ADAMTSL1: variants seen among roughly 807,000 people sequenced by gnomAD.
ADAMTSL1 encodes the protein ADAMTS like 1.
ADAMTSL1 carries 126 observed loss-of-function variants against 201.8 expected under a neutral mutation model. That is an observed-to-expected ratio of 0.62 (90% CI 0.54 to 0.72). The LOEUF (loss-of-function observed/expected upper bound fraction) is 0.72. ADAMTSL1 is among the 30% of genes least tolerant of loss of function. The pLI, the probability that ADAMTSL1 is intolerant of heterozygous loss-of-function variation, is 0.00. For missense variants in ADAMTSL1, 2,679 were observed against 2,277.8 expected (o/e 1.18, Z -3.59); for synonymous variants, 1,121 against 903.4 (o/e 1.24, Z -4.32).
At chr9:18,465,692 A>T (rs1820976211) in intron 2 of ADAMTSL1, among the ~76,000 whole-genome samples, 1 of 152,214 alleles carries the variant, frequency 6.6e-6, no homozygotes, top group African/African-American at 2.4e-5. Flanking sequence ...ACCAAAGCAG[A>T]AAAAGAATAG....
intron 2 of ADAMTSL1, among the ~76,000 whole-genome samples, chr9:18,193,814 G>A (rs547879894): frequency 3.3e-4 from 50 of 151,884 alleles, no homozygotes; most frequent in Admixed American, 7.2e-4. Context: ...AAGACTGACT[G>A]CCCTTTTCTT....
intron 2 of ADAMTSL1, among the ~76,000 whole-genome samples, chr9:18,301,446 T>C (rs1299214249): frequency 2.0e-5 from 3 of 152,160 alleles, no homozygotes; most frequent in Admixed American, 6.5e-5. Flanking sequence ...GCTGAGAGTA[T>C]CAAATCTTTT....
At chr9:18,418,949 T>C (rs1818816867) in intron 2 of ADAMTSL1, among the ~76,000 whole-genome samples, 1 of 152,206 alleles carries the variant, frequency 6.6e-6, no homozygotes, top group African/African-American at 2.4e-5. Context: ...ACTATAAAGC[T>C]TCAGTTGTCA....
chr9:18,730,493 A>G (rs1818151911), intron 15 of ADAMTSL1, among the ~76,000 whole-genome samples: 1 of 152,238 alleles, frequency 6.6e-6, no homozygotes, highest in Non-Finnish European at 1.5e-5. Context: ...GTGCAGAAAG[A>G]TCTGTCACAA....
At chr9:18,170,308 G>A (rs1827832704) in intron 2 of ADAMTSL1, among the ~76,000 whole-genome samples, 1 of 151,970 alleles carries the variant, frequency 6.6e-6, no homozygotes, top group African/African-American at 2.4e-5. Flanking sequence ...GGGGAAGGCT[G>A]GATATGCACC....
At chr9:18,734,272 C>T (rs997494586) in intron 15 of ADAMTSL1, among the ~76,000 whole-genome samples, 1 of 152,078 alleles carries the variant, frequency 6.6e-6, no homozygotes, top group Non-Finnish European at 1.5e-5. Flanking sequence ...AAGAAGCAGT[C>T]CTTGATTGGA....
intron 1 of ADAMTSL1, among the ~76,000 whole-genome samples, chr9:18,076,081 G>T (rs1342191556): frequency 1.3e-5 from 2 of 152,110 alleles, no homozygotes; most frequent in African/African-American, 4.8e-5. Flanking sequence ...GTTCCTGTTT[G>T]GTTTCTCTAA....
At chr9:18,581,098 G>T (rs1351175877) in intron 4 of ADAMTSL1, among the ~76,000 whole-genome samples, 1 of 152,090 alleles carries the variant, frequency 6.6e-6, no homozygotes, top group Non-Finnish European at 1.5e-5. Flanking sequence ...CTTTCTCTGA[G>T]GCTCTGGGTG....
chr9:18,176,044 G>A (rs1328527313), intron 2 of ADAMTSL1, among the ~76,000 whole-genome samples: 5 of 142,778 alleles, frequency 3.5e-5, no homozygotes, highest in Non-Finnish European at 6.0e-5. Context: ...GGCAAACAAA[G>A]GTTTCGTTTG....
chr9:18,273,114 CTG>C (rs575506046), intron 2 of ADAMTSL1, among the ~76,000 whole-genome samples: 1 of 152,316 alleles, frequency 6.6e-6, no homozygotes, highest in African/African-American at 2.4e-5. Flanking sequence ...GAGTCTCACT[CTG>C]TTACCCAGGC....
At chr9:18,515,370 T>C (rs1049749209) in intron 2 of ADAMTSL1, among the ~76,000 whole-genome samples, 6 of 152,208 alleles carry the variant, frequency 3.9e-5, no homozygotes, top group Admixed American at 6.5e-5. Flanking sequence ...GGTCTGGCTG[T>C]ATCGCCCAGG....
intron 2 of ADAMTSL1, among the ~76,000 whole-genome samples, chr9:18,322,456 A>G (rs984631435): frequency 1.3e-5 from 2 of 152,236 alleles, no homozygotes; most frequent in Middle Eastern, 3.4e-3. Flanking sequence ...AACATGGTGA[A>G]ACCCCGTCTC....
intron 1 of ADAMTSL1, among the ~76,000 whole-genome samples, chr9:17,974,521 T>C (rs1276800523): frequency 1.3e-5 from 2 of 151,994 alleles, no homozygotes; most frequent in East Asian, 3.9e-4. Context: ...ATCTCCCCAA[T>C]GTTCCCACCC....
Position 17,985,363 on chromosome 9 carries a change from A to G in ADAMTSL1, c.87+78441A>G, listed in dbSNP as rs74357144. 2.5e-3 allele frequency among the ~76,000 whole-genome samples: 378 copies of G among 152,290 alleles called. 10 individuals are homozygous for G. The East Asian group carries it at 0.058, about 23-fold the overall frequency. ...TAAATGTTAAAATGTTAAAACATTA[A>G]CATTAGATATCTAGGAAGACCATTT... On this transcript the variant is annotated intron_variant, in intron 1 of 29. Transcript: ENST00000680146.
chr9:18,573,476 C>G (rs1045103355), intron 3 of ADAMTSL1: 3 of 155,746 alleles, frequency 1.9e-5, no homozygotes, highest in Non-Finnish European at 4.4e-5. Context: ...TAAATGGTTT[C>G]ATATTTTTTG....
At chr9:18,430,518 G>A (rs1451347032) in intron 2 of ADAMTSL1, among the ~76,000 whole-genome samples, 1 of 152,164 alleles carries the variant, frequency 6.6e-6, no homozygotes, top group Non-Finnish European at 1.5e-5. Flanking sequence ...TTCTAGCGGT[G>A]TGTAGAAAAC....
At chr9:18,443,996 G>C (rs141567639) in intron 2 of ADAMTSL1, among the ~76,000 whole-genome samples, 40 of 152,258 alleles carry the variant, frequency 2.6e-4, no homozygotes, top group Middle Eastern at 6.8e-3. Flanking sequence ...TGTAGATTAT[G>C]TTCACATTTA....
At position 18,509,566 on chromosome 9, in the gene ADAMTSL1, C is replaced by T. The variant is rs114164896; in HGVS notation, c.191+4610C>T. Among the ~76,000 whole-genome samples the T allele has an allele frequency of 4.8e-3, 737 of 152,306 alleles. 10 individuals carry two copies. The highest frequency in any genetic ancestry group is 0.017 in the African/African-American group (702 of 41,562). ...GATGTTGGCTGATCTAGACTGGCTT[C>T]ATCTGGTTCAACTTGGGAAACCCAA... On this transcript the variant is annotated intron_variant, in intron 2 of 28. Coordinates refer to ENST00000380548, the MANE Select transcript of ADAMTSL1 (RefSeq NM_001040272.6).
intron 4 of ADAMTSL1, among the ~76,000 whole-genome samples, chr9:18,588,643 A>C (rs1356323086): frequency 6.6e-6 from 1 of 151,904 alleles, no homozygotes; most frequent in Non-Finnish European, 1.5e-5. Context: ...ATTTACTAAA[A>C]AATGGGGCTC....
Sources: allele counts gnomAD v4.1 joint callset (sites outside exome capture counted in the v4.1 genomes callset), GRCh38; gene constraint gnomAD v4.1.1; transcripts MANE v1.5; gene names NCBI Gene and HGNC (gene_info 2026-07-23, HGNC 2026-07-21).